The following HMGB1 variants were observed in gnomAD, a reference collection of about 807,000 sequenced individuals.
HMGB1 encodes high mobility group protein B1.
For synonymous variants in HMGB1, 81 were observed against 84.0 expected (o/e 0.96, Z 0.19); for missense variants, 79 against 253.5 (o/e 0.31, Z 4.67).
chr13:30,604,822 T>C (rs1018142681), intron 1 of HMGB1, among the ~76,000 whole-genome samples: 2 of 152,248 alleles, frequency 1.3e-5, no homozygotes, highest in Middle Eastern at 6.8e-3. Flanking sequence ...CACACCCAGC[T>C]AATTTTTTTG....
intron 1 of HMGB1, among the ~76,000 whole-genome samples, chr13:30,534,690 G>A (rs1414611915): frequency 7.3e-6 from 1 of 136,228 alleles, no homozygotes; most frequent in Non-Finnish European, 1.5e-5. Context: ...CTATTCTCCT[G>A]CCTCAGCCTC....
intron 1 of HMGB1, among the ~76,000 whole-genome samples, chr13:30,482,458 C>T (rs903333267): frequency 3.3e-5 from 5 of 152,208 alleles, no homozygotes; most frequent in Non-Finnish European, 7.3e-5. Context: ...CATTCACCAT[C>T]TGCTAGGATC....
At chr13:30,467,245 T>C (rs1337978591), upstream of HMGB1, among the ~76,000 whole-genome samples, 1 of 152,236 alleles carries the variant, frequency 6.6e-6, no homozygotes, top group Non-Finnish European at 1.5e-5. Context: ...TAATGGTATT[T>C]TGTACACTTC....
chr13:30,593,338 G>A (rs1259912482), intron 1 of HMGB1, among the ~76,000 whole-genome samples: 1 of 152,050 alleles, frequency 6.6e-6, no homozygotes, highest in African/African-American at 2.4e-5. Flanking sequence ...GTATTCCCAG[G>A]TACCACCTCC....
chr13:30,554,385 G>C, intron 1 of HMGB1: 1 of 834,372 alleles, frequency 1.2e-6, no homozygotes, highest in Admixed American at 1.7e-5. Context: ...ATGGGAAAAG[G>C]AGATTATATT....
chr13:30,581,920 G>T (rs1451344218), intron 1 of HMGB1, among the ~76,000 whole-genome samples: 1 of 152,168 alleles, frequency 6.6e-6, no homozygotes, highest in African/African-American at 2.4e-5. Flanking sequence ...GGAGATATGG[G>T]GGTAAAAGTG....
chr13:30,587,740 T>A (rs1871213617), intron 1 of HMGB1, among the ~76,000 whole-genome samples: 1 of 152,230 alleles, frequency 6.6e-6, no homozygotes, highest in Non-Finnish European at 1.5e-5. Flanking sequence ...AGGGCTATTA[T>A]AATTAACAAA....
intron 1 of HMGB1, chr13:30,464,592 GC>G: frequency 1.0e-6 from 1 of 983,914 alleles, no homozygotes; most frequent in Non-Finnish European, 1.2e-6. Context: ...CGCCGCCGCC[GC>G]CCCCATTTTG....
intron 1 of HMGB1, chr13:30,464,788 TATGAGA>T (rs1565995410): frequency 5.3e-4 from 123 of 231,626 alleles, no homozygotes; most frequent in Non-Finnish European, 8.0e-4. Flanking sequence ...TGTGTGTGTG[TATGAGA>T]GAGTGTGTGA....
intron 1 of HMGB1, among the ~76,000 whole-genome samples, chr13:30,586,936 T>A (rs1230103502): frequency 6.6e-6 from 1 of 152,200 alleles, no homozygotes; most frequent in East Asian, 1.9e-4. Context: ...ATATATTGAA[T>A]AAATGTTTGT....
Position 30,458,102 on chromosome 13 carries a change from G to A in HMGB1, c.*3255C>T, listed in dbSNP as rs1212573178. 6.6e-6 allele frequency: 1 copy of A among 152,134 alleles called. No homozygotes were observed. Among genetic ancestry groups the A allele is most frequent in the East Asian group, 1.9e-4 (1 of 5,196 alleles). 9.4% of individuals were successfully genotyped at this position (152,134 alleles called of 1,614,324 possible). A position where few individuals can be genotyped will look rare whatever the true frequency, so the allele number is the denominator to read the frequency against. The stretch of plus-strand genomic sequence containing the variant: ...AGCTGTGTACGGTGTGTGCAAATTT[G>A]CAGATACCTTACCATCACATGCAAG... On this transcript the variant is annotated 3_prime_UTR_variant, in exon 5 of 5. Transcript: ENST00000341423.
intron 1 of HMGB1, among the ~76,000 whole-genome samples, chr13:30,517,957 G>T (rs1888137084): frequency 6.6e-6 from 1 of 152,166 alleles, no homozygotes. Context: ...CTTCCATCGA[G>T]TAACATGGAA....
intron 1 of HMGB1, among the ~76,000 whole-genome samples, chr13:30,591,357 C>G (rs1009630390): frequency 4.6e-5 from 7 of 151,928 alleles, no homozygotes; most frequent in East Asian, 1.9e-4. Flanking sequence ...TACAGAGAAG[C>G]CTGTTTAAGG....
chr13:30,464,127 T>A (rs1446546165), intron 1 of HMGB1: 1 of 948,092 alleles, frequency 1.1e-6, no homozygotes, highest in East Asian at 1.3e-4. Context: ...AGTCGACTCT[T>A]CCTAATTATG....
At chr13:30,514,941 G>A (rs1381223232) in intron 1 of HMGB1, among the ~76,000 whole-genome samples, 1 of 152,220 alleles carries the variant, frequency 6.6e-6, no homozygotes, top group Non-Finnish European at 1.5e-5. Context: ...CACAGGCAGA[G>A]TAAGTGAGTA....
upstream of HMGB1, among the ~76,000 whole-genome samples, chr13:30,470,670 A>G (rs1364510104): frequency 6.6e-6 from 1 of 151,872 alleles, no homozygotes; most frequent in African/African-American, 2.4e-5. Context: ...TTTTTTTGAG[A>G]CGGAGTCTCA....
intron 1 of HMGB1, among the ~76,000 whole-genome samples, chr13:30,495,420 C>T (rs1039777501): frequency 6.6e-6 from 1 of 152,074 alleles, no homozygotes; most frequent in Non-Finnish European, 1.5e-5. Flanking sequence ...CACTCCCTCC[C>T]ATTGGTCCTA....
chr13:30,492,918 G>A (rs1350595027), intron 1 of HMGB1, among the ~76,000 whole-genome samples: 1 of 150,304 alleles, frequency 6.7e-6, no homozygotes, highest in African/African-American at 2.4e-5. Context: ...TTGAACCTGG[G>A]AGGGGGAGGT....
chr13:30,520,006 A>G (rs1208398064), intron 1 of HMGB1, among the ~76,000 whole-genome samples: 1 of 152,240 alleles, frequency 6.6e-6, no homozygotes, highest in African/African-American at 2.4e-5. Flanking sequence ...TAGGCAAAAT[A>G]AATGGATTTA....
Sources: gnomAD v4.1 joint callset for allele counts (sites outside exome capture counted in the v4.1 genomes callset) on GRCh38, gnomAD v4.1.1 for gene constraint, MANE v1.5 for transcripts, NCBI Gene and HGNC (gene_info 2026-07-23, HGNC 2026-07-21) for gene names.